DTNBP1: variants seen among roughly 807,000 people sequenced by gnomAD.
The protein encoded by DTNBP1 is dystrobrevin binding protein 1, also known as dysbindin.
A neutral mutation model predicts 42.8 loss-of-function variants in DTNBP1; 35 were observed. That is an observed-to-expected ratio of 0.82 (90% CI 0.63 to 1.09). The LOEUF (loss-of-function observed/expected upper bound fraction) is 1.09. DTNBP1 is among the 50% of genes least tolerant of loss of function. DTNBP1 has a pLI of 0.00. For synonymous variants in DTNBP1, 171 were observed against 162.2 expected (o/e 1.05, Z -0.41); for missense variants, 457 against 424.2 (o/e 1.08, Z -0.68).
chr6:15,604,337 C>A (rs1204345883), intron 6 of DTNBP1, among the ~76,000 whole-genome samples: 1 of 152,180 alleles, frequency 6.6e-6, no homozygotes, highest in Non-Finnish European at 1.5e-5. Context: ...CATTCAGCAT[C>A]CAAACAGACT....
At chr6:15,660,956 C>T (rs961976219) in intron 1 of DTNBP1, among the ~76,000 whole-genome samples, 7 of 152,086 alleles carry the variant, frequency 4.6e-5, no homozygotes, top group South Asian at 4.1e-4. Flanking sequence ...CAATAATTTA[C>T]GCTCTGAAAA....
chr6:15,659,285 C>T (rs946135587), intron 1 of DTNBP1, among the ~76,000 whole-genome samples: 3 of 152,170 alleles, frequency 2.0e-5, no homozygotes, highest in Non-Finnish European at 2.9e-5. Flanking sequence ...ACAGAAGCTC[C>T]GAAGAGAGGA....
intron 8 of DTNBP1, among the ~76,000 whole-genome samples, chr6:15,531,697 G>C (rs1252353469): frequency 6.6e-6 from 1 of 152,096 alleles, no homozygotes; most frequent in South Asian, 2.1e-4. Flanking sequence ...GCAGTGGCGC[G>C]ATCTCAGCTC....
At chr6:15,577,801 G>T (rs1459024657) in intron 7 of DTNBP1, among the ~76,000 whole-genome samples, 1 of 152,124 alleles carries the variant, frequency 6.6e-6, no homozygotes, top group Admixed American at 6.5e-5. Flanking sequence ...ATGCAGGAGA[G>T]AAAAGGCCCA....
chr6:15,661,365 G>C (rs56006170), intron 1 of DTNBP1, among the ~76,000 whole-genome samples: 1 of 121,150 alleles, frequency 8.3e-6, no homozygotes, highest in South Asian at 2.7e-4. Context: ...TTAAAAAAAA[G>C]GGGGGGAGGG....
intron 7 of DTNBP1, among the ~76,000 whole-genome samples, chr6:15,584,705 C>CTTT (rs147548247): frequency 2.4e-4 from 21 of 86,400 alleles, no homozygotes; most frequent in East Asian, 7.4e-4. Context: ...ACATGTATTT[C>CTTT]TTTTTTTTTT....
intron 7 of DTNBP1, among the ~76,000 whole-genome samples, chr6:15,550,801 G>C (rs1774171732): frequency 6.6e-6 from 1 of 152,180 alleles, no homozygotes; most frequent in Non-Finnish European, 1.5e-5. Context: ...GCCCCTCCCA[G>C]GCAGGCTGGT....
intron 7 of DTNBP1, among the ~76,000 whole-genome samples, chr6:15,534,622 T>C (rs1275939342): frequency 1.5e-5 from 2 of 133,886 alleles, no homozygotes; most frequent in South Asian, 4.7e-4. Flanking sequence ...ATCTTGCCAC[T>C]GCACTCCAGC....
intron 7 of DTNBP1, among the ~76,000 whole-genome samples, chr6:15,562,309 T>C (rs1774879695): frequency 6.6e-6 from 1 of 152,220 alleles, no homozygotes; most frequent in Admixed American, 6.5e-5. Flanking sequence ...TGTGTTTTTT[T>C]CATAATTTAT....
At chr6:15,660,402 G>A (rs977696778) in intron 1 of DTNBP1, 3 of 1,289,684 alleles carry the variant, frequency 2.3e-6, no homozygotes, top group East Asian at 5.5e-5. Flanking sequence ...GTGAACATCA[G>A]GCACTAGAGG....
chr6:15,576,870 C>T (rs1050645606), intron 7 of DTNBP1, among the ~76,000 whole-genome samples: 2 of 151,596 alleles, frequency 1.3e-5, no homozygotes, highest in African/African-American at 4.8e-5. Flanking sequence ...AGAGATACAA[C>T]TCTGTTACAG....
chr6:15,626,926 G>A (rs552369484), intron 5 of DTNBP1, among the ~76,000 whole-genome samples: 2 of 152,148 alleles, frequency 1.3e-5, no homozygotes, highest in Admixed American at 6.5e-5. Context: ...TCTCCAATCC[G>A]TTTGAAGAGA....
rs1330407066 is a variant in DTNBP1 at position 15,655,266 on chromosome 6, C to T, written c.57-3126G>A. Among the ~76,000 whole-genome samples, 3 of 152,054 alleles carry T rather than the reference C, an allele frequency of 2.0e-5. No homozygotes were observed. The East Asian group carries it at 5.8e-4, about 29-fold the overall frequency. On this transcript the variant is annotated intron_variant, in intron 1 of 9. Coordinates refer to ENST00000344537, the MANE Select transcript of DTNBP1 (RefSeq NM_032122.5). ...CCTCTCAAGTAGCTGGGACTACAGG[C>T]TCACACCAGCACACCCAGCTAGTTT...
chr6:15,613,119 C>T (rs1399814695), intron 6 of DTNBP1, among the ~76,000 whole-genome samples: 3 of 151,874 alleles, frequency 2.0e-5, no homozygotes, highest in South Asian at 2.1e-4. Flanking sequence ...ACCAGCCTGG[C>T]CAACACGGTG....
chr6:15,572,807 C>T (rs1775394620), intron 7 of DTNBP1, among the ~76,000 whole-genome samples: 1 of 152,202 alleles, frequency 6.6e-6, no homozygotes, highest in African/African-American at 2.4e-5. Context: ...TCGTGGCTCA[C>T]TGCACCTTCA....
At chr6:15,621,585 T>C (rs984562803) in intron 5 of DTNBP1, among the ~76,000 whole-genome samples, 2 of 152,228 alleles carry the variant, frequency 1.3e-5, no homozygotes, top group Admixed American at 6.5e-5. Flanking sequence ...ATGACAAATT[T>C]AGACTAAAAA....
At chr6:15,531,293 G>A (rs1257320171) in intron 8 of DTNBP1, among the ~76,000 whole-genome samples, 2 of 152,144 alleles carry the variant, frequency 1.3e-5, no homozygotes, top group African/African-American at 4.8e-5. Flanking sequence ...CCCTTAACAG[G>A]ATAAAAATCC....
At chr6:15,597,930 T>C (rs11756738) in intron 6 of DTNBP1, among the ~76,000 whole-genome samples, 30,401 of 152,234 alleles carry the variant, frequency 0.2, 3,518 homozygotes, top group Non-Finnish European at 0.27. Context: ...AAAAATTGAG[T>C]TTATTTCCAT....
chr6:15,529,042 TG>T (rs1376506096), intron 8 of DTNBP1, among the ~76,000 whole-genome samples: 1 of 152,230 alleles, frequency 6.6e-6, no homozygotes, highest in African/African-American at 2.4e-5. Context: ...CCCAGCACTC[TG>T]GGAGGCCCAG....
Sources: gnomAD v4.1 joint callset for allele counts (sites outside exome capture counted in the v4.1 genomes callset) on GRCh38, gnomAD v4.1.1 for gene constraint, MANE v1.5 for transcripts, NCBI Gene and HGNC (gene_info 2026-07-23, HGNC 2026-07-21) for gene names.